PLD1: variants seen among roughly 807,000 people sequenced by gnomAD.
PLD1 encodes phospholipase D1.
PLD1 carries 112 observed loss-of-function variants against 137.1 expected under a neutral mutation model. That is an observed-to-expected ratio of 0.82 (90% confidence interval 0.70 to 0.96). The LOEUF (loss-of-function observed/expected upper bound fraction) is 0.96, where lower values mean the gene tolerates loss of function less well. PLD1 is among the 40% of genes least tolerant of loss of function. The pLI is 0.00. For synonymous variants in PLD1, 431 were observed against 454.7 expected, an observed-to-expected ratio of 0.95 and a Z score of 0.66; for missense variants, 1,321 against 1,342.0, an observed-to-expected ratio of 0.98 and a Z score of 0.24.
rs578256430 is a variant in PLD1, at chr3:171,669,660, G to T, written c.2229+4840C>A. ...AAGTAATCCACCTGCCTTGGCCTCC[G>T]TAAGTGCTGGGATTACAGGCCTGAG... On this transcript the variant is annotated intron_variant, in intron 19 of 26. Transcript: ENST00000351298. Among the ~76,000 whole-genome samples the T allele has an allele frequency of 2.6e-5, 4 of 152,298 alleles. No homozygotes were observed. In the East Asian group the frequency reaches 5.8e-4, roughly 22 times the overall value.
Position 171,684,700 on chromosome 3 carries a change from A to G in PLD1, c.1867+1985T>C, listed in dbSNP as rs534635049. Among the ~76,000 whole-genome samples the G allele has an allele frequency of 2.1e-4, 32 of 152,254 alleles. 1 individual carries two copies. In the South Asian group the frequency reaches 6.6e-3, roughly 32 times the overall value. On this transcript the variant is annotated intron_variant, in intron 16 of 26. Transcript: ENST00000351298. ...AACCTCTGCCTTCCAGGCTCCAGCA[A>G]TTCTCCCACCTCAGCTGCCAGAAAA...
At chr3:171,757,152 C>T (rs576083476) in intron 1 of PLD1, among the ~76,000 whole-genome samples, 9 of 152,124 alleles carry the variant, frequency 5.9e-5, no homozygotes, top group African/African-American at 1.2e-4. Context: ...AGCAATCTAC[C>T]GACGTCTACA....
chr3:171,763,666 C>G (rs968048085), intron 1 of PLD1, among the ~76,000 whole-genome samples: 3 of 151,942 alleles, frequency 2.0e-5, no homozygotes, highest in Admixed American at 2.0e-4. Flanking sequence ...TCTATTAACA[C>G]AATTATTCCT....
At chr3:171,723,484 A>G (rs1359775749) in intron 8 of PLD1, among the ~76,000 whole-genome samples, 3 of 152,168 alleles carry the variant, frequency 2.0e-5, no homozygotes, top group Non-Finnish European at 4.4e-5. Flanking sequence ...TTGGGTATAT[A>G]CCTAGACGTG....
intron 1 of PLD1, among the ~76,000 whole-genome samples, chr3:171,797,920 C>T (rs1349795576): frequency 6.6e-5 from 10 of 152,180 alleles, no homozygotes; most frequent in East Asian, 3.9e-4. Context: ...GTAAGTTTCA[C>T]GATGGCTGTC....
At chr3:171,652,329 C>G (rs527918102) in intron 21 of PLD1, among the ~76,000 whole-genome samples, 1 of 149,792 alleles carries the variant, frequency 6.7e-6, no homozygotes, top group Non-Finnish European at 1.5e-5. Context: ...AGGAGAATGG[C>G]GTGAACCCAG....
intron 12 of PLD1, among the ~76,000 whole-genome samples, chr3:171,695,829 T>C (rs953709862): frequency 2.0e-5 from 3 of 147,752 alleles, no homozygotes; most frequent in African/African-American, 7.6e-5. Context: ...TGTAAAGATG[T>C]AAAGTAAAGG....
chr3:171,635,304 T>C (rs1286139016), intron 23 of PLD1, among the ~76,000 whole-genome samples: 1 of 152,178 alleles, frequency 6.6e-6, no homozygotes, highest in Admixed American at 6.5e-5. Context: ...ACTGCTGGGT[T>C]ATAGGCTAAC....
intron 11 of PLD1, among the ~76,000 whole-genome samples, chr3:171,706,265 C>T (rs1716688180): frequency 6.9e-6 from 1 of 145,850 alleles, no homozygotes; most frequent in Admixed American, 6.9e-5. Context: ...CTATGCCATT[C>T]TTTTTTTTTT....
At chr3:171,728,328 A>C (rs1033304650) in intron 6 of PLD1, among the ~76,000 whole-genome samples, 3 of 152,156 alleles carry the variant, frequency 2.0e-5, no homozygotes, top group African/African-American at 4.8e-5. Flanking sequence ...ACAAACAAAC[A>C]AACAAAAAAC....
At chr3:171,611,443 C>T (rs1413703270) in intron 25 of PLD1, 8 of 362,242 alleles carry the variant, frequency 2.2e-5, no homozygotes, top group East Asian at 7.3e-5. Context: ...CAACAGGGGA[C>T]GTGGACAGTT....
intron 11 of PLD1, among the ~76,000 whole-genome samples, chr3:171,704,228 T>C (rs1054700522): frequency 1.3e-5 from 2 of 152,066 alleles, no homozygotes; most frequent in Admixed American, 6.5e-5. Flanking sequence ...GGCACACATA[T>C]GGGGCAGATC....
At chr3:171,691,567 C>G (rs1715159346) in intron 13 of PLD1, among the ~76,000 whole-genome samples, 1 of 152,166 alleles carries the variant, frequency 6.6e-6, no homozygotes, top group African/African-American at 2.4e-5. Context: ...ACTTCAGTAA[C>G]ATACAAATCT....
chr3:171,692,615 G>C (rs560248341), intron 12 of PLD1, among the ~76,000 whole-genome samples, 173 bp from the exon 13 acceptor site: 1 of 151,972 alleles, frequency 6.6e-6, no homozygotes, highest in Non-Finnish European at 1.5e-5. Context: ...CCACCTCTCG[G>C]GTTCAAGCAA....
chr3:171,623,315 T>C (rs1042848505), intron 23 of PLD1, among the ~76,000 whole-genome samples: 1 of 144,620 alleles, frequency 6.9e-6, no homozygotes, highest in Non-Finnish European at 1.5e-5. Flanking sequence ...CTATCAGACT[T>C]TTTTTTTTTT....
At chr3:171,766,865 C>CTG (rs1560291515) in intron 1 of PLD1, among the ~76,000 whole-genome samples, 1 of 151,900 alleles carries the variant, frequency 6.6e-6, no homozygotes, top group Non-Finnish European at 1.5e-5. Context: ...TTATCTTGTT[C>CTG]TATATTGTTA....
intron 9 of PLD1, among the ~76,000 whole-genome samples, chr3:171,711,817 TAAAAAAAAAA>T (rs36106956): frequency 2.0e-5 from 2 of 99,206 alleles, no homozygotes; most frequent in African/African-American, 4.0e-5. Context: ...TTATAAATGC[TAAAAAAAAAA>T]AAAAAAAAAA....
chr3:171,772,671 G>T (rs1010377316), intron 1 of PLD1, among the ~76,000 whole-genome samples: 1 of 152,170 alleles, frequency 6.6e-6, no homozygotes, highest in Non-Finnish European at 1.5e-5. Flanking sequence ...AGCGAAAGCT[G>T]GATGAGCTGA....
Position 171,730,713 on chromosome 3 carries a change from G to A in PLD1, c.606+2731C>T, listed in dbSNP as rs866639037. On this transcript the variant is annotated intron_variant, in intron 6 of 26. Transcript: ENST00000351298. ...GAGTGCAGTGGCGCAACTGTGGCTC[G>A]CTGCAACCTCCGCCTCCCGGGTTCA... Among the ~76,000 whole-genome samples the A allele has an allele frequency of 7.7e-5, 11 of 143,174 alleles. No individual in the cohort carries two copies. In the South Asian group the frequency reaches 1.9e-3, roughly 25 times the overall value. The allele number at this position is 143,174 out of a possible 152,430, so 93.9% of individuals were successfully genotyped here. A position where few individuals can be genotyped will look rare whatever the true frequency, so the allele number is the denominator to read the frequency against.
Sources: gnomAD v4.1 joint callset for allele counts (sites outside exome capture counted in the v4.1 genomes callset) on GRCh38, gnomAD v4.1.1 for gene constraint, MANE v1.5 for transcripts, NCBI Gene and HGNC (gene_info 2026-07-23, HGNC 2026-07-21) for gene names.